EXTL3: variants seen among roughly 807,000 people sequenced by gnomAD.
The protein encoded by EXTL3 is exostosin like glycosyltransferase 3.
A neutral mutation model predicts 69.3 loss-of-function variants in EXTL3; 27 were observed. That is an observed-to-expected ratio of 0.39 (90% CI 0.29 to 0.54). EXTL3 has a LOEUF of 0.54. Ranked by LOEUF, EXTL3 falls within the 20% of genes least tolerant of loss-of-function variation. EXTL3 has a pLI of 0.69. For synonymous variants in EXTL3, 511 were observed against 499.4 expected, an observed-to-expected ratio of 1.02 and a Z score of -0.31; for missense variants, 1,003 against 1,231.8, an observed-to-expected ratio of 0.81 and a Z score of 2.78.
intron 5 of EXTL3, chr8:28,742,787 A>G: frequency 5.3e-6 from 2 of 377,646 alleles, no homozygotes; most frequent in Non-Finnish European, 1.0e-5. Flanking sequence ...TTGAACCAGC[A>G]TCTGACCTAG....
intron 1 of EXTL3, chr8:28,678,049 T>C (rs910403715): frequency 6.6e-6 from 1 of 152,306 alleles, no homozygotes; most frequent in Non-Finnish European, 1.5e-5. Flanking sequence ...GGCTTCTCAT[T>C]TCTTTCTCCA....
intron 1 of EXTL3, among the ~76,000 whole-genome samples, chr8:28,695,211 C>A (rs957180101): frequency 1.3e-5 from 2 of 149,560 alleles, no homozygotes; most frequent in Non-Finnish European, 3.0e-5. Context: ...CTCACTGCAA[C>A]CTCTGCCTCC....
In EXTL3 at chr8:28,611,909, T is replaced by C. The variant is rs560490119; in HGVS notation, n.314+4151T>C. ...CACCCACCCCAGCTAGACCTTGTCA[T>C]TGGGGCTCCCTGCAAGAGGATCGTC... is the stretch of plus-strand genomic sequence containing the variant. On this transcript the variant is annotated intron_variant and non_coding_transcript_variant, in intron 2 of 4. Transcript: ENST00000522725. Among the ~76,000 whole-genome samples, 19 of 152,286 alleles carry C rather than the reference T, an allele frequency of 1.2e-4. No individual in the cohort carries two copies. In the East Asian group the frequency reaches 1.9e-3, roughly 15 times the overall value.
chr8:28,608,886 AC>A (rs1261182506), intron 2 of EXTL3, among the ~76,000 whole-genome samples: 1 of 152,070 alleles, frequency 6.6e-6, no homozygotes, highest in East Asian at 1.9e-4. Flanking sequence ...AAAAACAAAA[AC>A]ACACATGCAC....
intron 1 of EXTL3, among the ~76,000 whole-genome samples, chr8:28,646,492 G>A (rs554348510): frequency 3.4e-4 from 52 of 152,278 alleles, no homozygotes; most frequent in Admixed American, 1.6e-3. Flanking sequence ...GTGAAATGTG[G>A]AGAATGCCTT....
chr8:28,715,933 C>T lies in EXTL3; in HGVS notation c.-127C>T. On this transcript the variant is annotated 5_prime_UTR_variant, in exon 3 of 7. Coordinates refer to ENST00000220562, the MANE Select transcript of EXTL3 (RefSeq NM_001440.4). ...ATGAAATGTTCATTTTATTTGGTGC[C>T]TTGTCTGGGGAGCACACTAACTCTT... is the stretch of plus-strand genomic sequence containing the variant. 1 of 728,412 alleles carries T rather than the reference C, an allele frequency of 1.4e-6. No individual in the cohort carries two copies. The highest frequency in any genetic ancestry group is 2.3e-6 in the Non-Finnish European group (1 of 441,264). The allele number at this position is 728,412 out of a possible 1,614,324, so 45.1% of individuals were successfully genotyped here.
At chr8:28,712,900 TGTATGTA>T (rs1242813187) in intron 1 of EXTL3, among the ~76,000 whole-genome samples, 1 of 152,228 alleles carries the variant, frequency 6.6e-6, no homozygotes, top group Non-Finnish European at 1.5e-5. Context: ...GTTTAGACTC[TGTATGTA>T]GTATCTTTTA....
At chr8:28,720,977 A>T (rs1394210814) in intron 3 of EXTL3, among the ~76,000 whole-genome samples, 1 of 152,190 alleles carries the variant, frequency 6.6e-6, no homozygotes, top group Non-Finnish European at 1.5e-5. Flanking sequence ...AAGATGTTCC[A>T]CTGTTTCCAG....
chr8:28,619,845 CTTTTTTTTTTTTTTTTTTTTTT>C (rs56276866), upstream of EXTL3, among the ~76,000 whole-genome samples: 15 of 50,846 alleles, frequency 3.0e-4, no homozygotes, highest in South Asian at 1.6e-3. Context: ...GCTTCTGGTT[CTTTTTTTTTTTTTTTTTTTTTT>C]TTTTTTTTTT....
chr8:28,694,823 G>C (rs1417806783), intron 1 of EXTL3, among the ~76,000 whole-genome samples: 21 of 152,088 alleles, frequency 1.4e-4, no homozygotes, highest in Admixed American at 1.4e-3. Context: ...ACCAGACTGG[G>C]CAACCTGGCG....
upstream of EXTL3, chr8:28,698,341 T>G (rs2130690574): frequency 6.6e-6 from 1 of 152,288 alleles, no homozygotes; most frequent in South Asian, 2.1e-4. Context: ...TTTAAGGCCC[T>G]GGTGAGATAG....
At chr8:28,713,970 G>A (rs1490637588) in intron 2 of EXTL3, among the ~76,000 whole-genome samples, 3 of 145,404 alleles carry the variant, frequency 2.1e-5, no homozygotes, top group Admixed American at 1.4e-4. Context: ...GCAATGGTGC[G>A]ATCTCGGCTC....
At chr8:28,707,141 A>C (rs1307177905) in intron 1 of EXTL3, among the ~76,000 whole-genome samples, 2 of 152,250 alleles carry the variant, frequency 1.3e-5, no homozygotes, top group Non-Finnish European at 2.9e-5. Context: ...AAAAGATTGC[A>C]ACAAGGTAAT....
At chr8:28,663,030 C>T (rs900410365) in intron 1 of EXTL3, among the ~76,000 whole-genome samples, 1 of 152,236 alleles carries the variant, frequency 6.6e-6, no homozygotes, top group Non-Finnish European at 1.5e-5. Context: ...TGAGCTCATT[C>T]TGAGCCAAAA....
At position 28,716,694 on chromosome 8, in the gene EXTL3, C is replaced by T. The variant is rs1801157081; in HGVS notation, c.635C>T (p.Pro212Leu). ...TTTGTCTTTGGCAGCTACCTGGATC[C>T]CTTGGTCAAGCAGGCTTTTCAGGCG... ...DQFVFGSYLD[P>L]LVKQAFQATA... The change falls in exon 3 of 7, where the codon CCC becomes CTC. Residue 212 changes from proline (P) to leucine (L), a missense_variant. Physicochemically the swap from Pro to Leu is moderately conservative, Grantham distance 98. Transcript: ENST00000220562. The surrounding 1 kb of genome is among the most constrained non-coding windows in gnomAD (Gnocchi z 7.1). 2 of 1,614,216 alleles carry T rather than the reference C, an allele frequency of 1.2e-6. No individual in the cohort carries two copies. The highest frequency in any genetic ancestry group is 1.7e-5 in the Admixed American group (1 of 60,030).
chr8:28,729,772 G>A (rs1310328165), intron 3 of EXTL3, among the ~76,000 whole-genome samples: 2 of 151,946 alleles, frequency 1.3e-5, no homozygotes, highest in Non-Finnish European at 2.9e-5. Context: ...AGCCGAGATA[G>A]GAGGATCTCT....
At chr8:28,743,403 A>G (rs1426243167) in intron 6 of EXTL3, among the ~76,000 whole-genome samples, 189 bp downstream of exon 6, 1 of 152,172 alleles carries the variant, frequency 6.6e-6, no homozygotes, top group African/African-American at 2.4e-5. Flanking sequence ...CTTCATTCCT[A>G]AGGGCAATGG....
intron 1 of EXTL3, among the ~76,000 whole-genome samples, chr8:28,652,686 CATATAT>C (rs3051956): frequency 1.3e-4 from 19 of 149,102 alleles, no homozygotes; most frequent in Admixed American, 3.4e-4. Context: ...TATATATAGC[CATATAT>C]ATATATATAG....
intron 6 of EXTL3, among the ~76,000 whole-genome samples, chr8:28,749,751 AT>A (rs1417451458): frequency 3.3e-5 from 5 of 152,178 alleles, no homozygotes; most frequent in Non-Finnish European, 7.3e-5. Flanking sequence ...CAGTGGTACC[AT>A]CATAGCTCAT....
Sources: allele counts gnomAD v4.1 joint callset (sites outside exome capture counted in the v4.1 genomes callset), GRCh38; gene constraint gnomAD v4.1.1; non-coding constraint Gnocchi (gnomAD v3.1); transcripts MANE v1.5; gene names NCBI Gene and HGNC (gene_info 2026-07-23, HGNC 2026-07-21).